Variants in NRG2 observed in about 807,000 individuals in gnomAD.
The protein encoded by NRG2 is pro-neuregulin-2, membrane-bound isoform.
Under a neutral mutation model 73.9 loss-of-function variants are expected in NRG2, and 27 were observed. The observed-to-expected ratio is 0.37, with a 90% CI of 0.27 to 0.50. The LOEUF is 0.50. NRG2 is among the 20% of genes least tolerant of loss of function. The pLI, the probability that NRG2 is intolerant of heterozygous loss-of-function variation, is 0.96. For synonymous variants in NRG2, 532 were observed against 541.0 expected, an observed-to-expected ratio of 0.98 and a Z score of 0.23; for missense variants, 1,126 against 1,210.1, an observed-to-expected ratio of 0.93 and a Z score of 1.03.
intron 9 of NRG2, 82 bp from the exon 10 acceptor site, chr5:139,848,779 G>GGGT: frequency 1.0e-5 from 2 of 198,602 alleles, no homozygotes; most frequent in Non-Finnish European, 2.0e-5. Context: ...GGTAGGGTGG[G>GGGT]AGGGGCGGAC....
Position 139,894,449 on chromosome 5 carries a change from T to G in NRG2, c.701-6938A>C. Among the ~76,000 whole-genome samples the G allele has an allele frequency of 7.4e-6, 1 of 135,136 alleles. No individual in the cohort carries two copies. The highest frequency in any genetic ancestry group is 2.6e-4 in the South Asian group (1 of 3,912). 88.7% of individuals were successfully genotyped at this position (135,136 alleles called of 152,430 possible). A position where few individuals can be genotyped will look rare whatever the true frequency, so the allele number is the denominator to read the frequency against. On this transcript the variant is annotated intron_variant, in intron 1 of 9. Transcript: ENST00000361474. This position sits in a 1 kb window ranked among gnomAD's most constrained non-coding sequence, Gnocchi z 5.0. ...GTTAATTACAGACTCCAAGTTCAAATGAGAAAGAAAAAAAAAAAACCCACT... is the reference window on the plus strand; with the variant it reads ...GTTAATTACAGACTCCAAGTTCAAAGGAGAAAGAAAAAAAAAAAACCCACT...
At chr5:139,873,874 A>G (rs1763011911) in intron 3 of NRG2, among the ~76,000 whole-genome samples, 1 of 152,240 alleles carries the variant, frequency 6.6e-6, no homozygotes, top group South Asian at 2.1e-4. Context: ...GAGGCTAAGG[A>G]CAACTCCTGA....
rs552098322 is a variant in NRG2 at position 139,968,222 on chromosome 5, C to T, written c.700+74148G>A. Among the ~76,000 whole-genome samples the T allele has an allele frequency of 1.2e-4, 19 of 152,232 alleles. No homozygotes were observed. The East Asian group carries it at 3.1e-3, about 25-fold the overall frequency. ...CCCAGAATCACCATGCCTGCCCGCC[C>T]GGCTGAGAAGGGGTGAGAAGGGAAG... is the stretch of plus-strand genomic sequence containing the variant. On this transcript the variant is annotated intron_variant, in intron 1 of 9. Transcript: ENST00000361474.
intron 6 of NRG2, among the ~76,000 whole-genome samples, chr5:139,854,914 C>T: frequency 6.6e-6 from 1 of 152,168 alleles, no homozygotes; most frequent in East Asian, 1.9e-4. Flanking sequence ...CATCTGGGTC[C>T]CAGCTATTCT....
chr5:140,001,741 C>T (rs574500271), intron 1 of NRG2, among the ~76,000 whole-genome samples: 96 of 150,980 alleles, frequency 6.4e-4, no homozygotes, highest in African/African-American at 2.3e-3. Flanking sequence ...CATGTACCTG[C>T]AGTCCTAGCT....
chr5:139,943,180 T>A (rs1753531316), intron 1 of NRG2, among the ~76,000 whole-genome samples: 1 of 152,114 alleles, frequency 6.6e-6, no homozygotes, highest in African/African-American at 2.4e-5. Context: ...GGAGTCTTGC[T>A]CTGTCACCCA....
chr5:139,972,028 G>A (rs1756012715), intron 1 of NRG2, among the ~76,000 whole-genome samples: 3 of 152,170 alleles, frequency 2.0e-5, no homozygotes, highest in Admixed American at 6.5e-5. Context: ...TCAGGTACCA[G>A]AATAGATCAA....
At chr5:139,995,250 C>T (rs916024347) in intron 1 of NRG2, among the ~76,000 whole-genome samples, 15 of 152,178 alleles carry the variant, frequency 9.9e-5, no homozygotes, top group Non-Finnish European at 2.1e-4. Flanking sequence ...CCCTGCCCCC[C>T]ATCACTAACG....
chr5:140,043,167 G>A lies in NRG2; in HGVS notation c.-98C>T. The A allele has an allele frequency of 1.4e-6, 2 of 1,380,082 alleles. No homozygotes were observed. The highest frequency in any genetic ancestry group is 9.7e-7 in the Non-Finnish European group (1 of 1,034,344). The allele number at this position is 1,380,082 out of a possible 1,614,324, so 85.5% of individuals were successfully genotyped here. On this transcript the variant is annotated 5_prime_UTR_variant, in exon 1 of 10. Coordinates refer to ENST00000361474, the MANE Select transcript of NRG2 (RefSeq NM_004883.3). This position sits in a 1 kb window ranked among gnomAD's most constrained non-coding sequence, Gnocchi z 6.7. Reference sequence around the variant, plus strand: ...AAACCGGAAACAGCGTAACGTTAGCGCCTCTTAGCCCTCCACCGGCAGCCC... The same window carrying A: ...AAACCGGAAACAGCGTAACGTTAGCACCTCTTAGCCCTCCACCGGCAGCCC...
rs1561621749 is a variant in NRG2, at chr5:139,851,587, A to G, written c.1772+17T>C. On this transcript the variant is annotated intron_variant, in intron 9 of 9. Transcript: ENST00000361474. The surrounding 1 kb of genome is among the most constrained non-coding windows in gnomAD (Gnocchi z 4.2). ...CCTCTGGCTAAGCGGGGAATAGGTCAGGGGGTAGGAACTGACCTCTCGCTG... is the reference window on the plus strand; with the variant it reads ...CCTCTGGCTAAGCGGGGAATAGGTCGGGGGGTAGGAACTGACCTCTCGCTG... The G allele has an allele frequency of 2.5e-6, 4 of 1,612,082 alleles. No individual in the cohort carries two copies. Among genetic ancestry groups the G allele is most frequent in the Non-Finnish European group, 3.4e-6 (4 of 1,178,584 alleles).
chr5:139,934,831 G>A (rs529757654), intron 1 of NRG2, among the ~76,000 whole-genome samples: 2 of 152,286 alleles, frequency 1.3e-5, no homozygotes, highest in East Asian at 3.9e-4. Flanking sequence ...GATAAGGTGG[G>A]TCATTTTATA....
Position 139,852,585 on chromosome 5 carries a change from G to A in NRG2, c.1417-26C>T, listed in dbSNP as rs766216468. On this transcript the variant is annotated intron_variant, in intron 7 of 9. Coordinates refer to ENST00000361474, the MANE Select transcript of NRG2 (RefSeq NM_004883.3). The surrounding 1 kb of genome is among the most constrained non-coding windows in gnomAD (Gnocchi z 4.4). The stretch of plus-strand genomic sequence containing the variant: ...CTGGAACAGACAGAGTTGGGCGAGA[G>A]TTAGTGACTGGGGCCCAAATGAACT... 8.1e-6 allele frequency: 13 copies of A among 1,608,254 alleles called. No individual in the cohort carries two copies. The South Asian group carries it at 1.1e-4, about 14-fold the overall frequency.
At chr5:139,985,796 A>G (rs1757129906) in intron 1 of NRG2, among the ~76,000 whole-genome samples, 1 of 151,906 alleles carries the variant, frequency 6.6e-6, no homozygotes, top group Non-Finnish European at 1.5e-5. Context: ...TTCAGCTTAC[A>G]CCTTTCGCTT....
At chr5:140,013,541 T>C (rs1249471551) in intron 1 of NRG2, among the ~76,000 whole-genome samples, 1 of 152,224 alleles carries the variant, frequency 6.6e-6, no homozygotes, top group Non-Finnish European at 1.5e-5. Context: ...ATTATGTGTA[T>C]TTTACCACAG....
At position 139,904,572 on chromosome 5, in the gene NRG2, C is replaced by G. The variant is rs1464479885; in HGVS notation, c.701-17061G>C. Among the ~76,000 whole-genome samples, 1 of 152,136 alleles carries G rather than the reference C, an allele frequency of 6.6e-6. No homozygotes were observed. Among genetic ancestry groups the G allele is most frequent in the Admixed American group, 6.5e-5 (1 of 15,286 alleles). ...CCCCTCCCGCGCCCTCCACCCTCGC[C>G]CCCCCTCCACCGGCTCGGGCCGCGG... is the stretch of plus-strand genomic sequence containing the variant. On this transcript the variant is annotated intron_variant, in intron 1 of 9. Coordinates refer to ENST00000361474, the MANE Select transcript of NRG2 (RefSeq NM_004883.3). This position sits in a 1 kb window ranked among gnomAD's most constrained non-coding sequence, Gnocchi z 6.0.
Position 139,848,245 on chromosome 5 carries a change from C to A in NRG2, c.2225G>T (p.Arg742Leu). 4.4e-6 allele frequency: 5 copies of A among 1,132,522 alleles called. No individual in the cohort carries two copies. Among genetic ancestry groups the A allele is most frequent in the Non-Finnish European group, 5.4e-6 (5 of 926,246 alleles). 70.2% of individuals were successfully genotyped at this position (1,132,522 alleles called of 1,614,324 possible). A position where few individuals can be genotyped will look rare whatever the true frequency, so the allele number is the denominator to read the frequency against. The change falls in exon 10 of 10, where the codon CGC (arginine) becomes CTC (leucine). Residue 742 changes from arginine to leucine, a missense_variant. By Grantham distance (102) the Arg-to-Leu change is moderately radical (BLOSUM62 -2). This residue lies in a region of NRG2 where 402 missense variants were observed against 357.8 expected (regional missense o/e 1.12). Transcript: ENST00000361474. The stretch of plus-strand genomic sequence containing the variant: ...CCCGTTGAGGCGCGAGCGGCGCCAG[C>A]GCCGGGGCCCCGCCGACGTCCTGCG... ...ASRRTSAGPRRWRRSRLNGLA... is the reference protein window; with the variant it reads ...ASRRTSAGPRLWRRSRLNGLA...
At chr5:140,036,982 A>C (rs181402033) in intron 1 of NRG2, among the ~76,000 whole-genome samples, 1 of 152,332 alleles carries the variant, frequency 6.6e-6, no homozygotes, top group African/African-American at 2.4e-5. Flanking sequence ...TCCAAATGGC[A>C]ATTCCCTGAT....
intron 1 of NRG2, among the ~76,000 whole-genome samples, chr5:139,952,940 G>A (rs925448248): frequency 3.8e-4 from 58 of 152,160 alleles, no homozygotes; most frequent in Non-Finnish European, 1.3e-4. Context: ...GGTGGGGGTT[G>A]CACAGGAGGA....
chr5:140,012,749 T>C (rs747219580), intron 1 of NRG2, among the ~76,000 whole-genome samples: 13 of 152,198 alleles, frequency 8.5e-5, no homozygotes, highest in Non-Finnish European at 1.8e-4. Context: ...ATTCTCACAG[T>C]GAATATGATG....
Sources: allele counts gnomAD v4.1 joint callset (sites outside exome capture counted in the v4.1 genomes callset), GRCh38; gene constraint gnomAD v4.1.1; regional missense constraint gnomAD v4.1.1; non-coding constraint Gnocchi (gnomAD v3.1); transcripts MANE v1.5; gene names NCBI Gene and HGNC (gene_info 2026-07-23, HGNC 2026-07-21).